The following LARGE1 variants were observed in gnomAD, a reference collection of about 807,000 sequenced individuals.
LARGE1 encodes the protein LARGE xylosyl- and glucuronyltransferase 1, also known as xylosyl- and glucuronyltransferase LARGE1.
A neutral mutation model predicts 87.6 loss-of-function variants in LARGE1; 43 were observed. The ratio of observed to expected loss-of-function variants is 0.49; its 90% CI spans 0.38 to 0.63. LARGE1 has a LOEUF of 0.63. LARGE1 is among the 30% of genes least tolerant of loss of function. The pLI is 0.00. For missense variants in LARGE1, 802 were observed against 1,000.2 expected, an observed-to-expected ratio of 0.80 and a Z score of 2.67; for synonymous variants, 434 against 394.6, an observed-to-expected ratio of 1.10 and a Z score of -1.18.
chr22:33,908,517 T>C (rs577428194), intron 1 of LARGE1, among the ~76,000 whole-genome samples: 122 of 141,084 alleles, frequency 8.6e-4, no homozygotes, highest in African/African-American at 2.8e-3. Flanking sequence ...AATGATTAAG[T>C]TACAGATTGA....
intron 1 of LARGE1, among the ~76,000 whole-genome samples, chr22:33,766,775 G>T (rs1406180697): frequency 6.6e-6 from 1 of 151,720 alleles, no homozygotes; most frequent in African/African-American, 2.4e-5. Context: ...ATTATATAAT[G>T]TGATCACAAG....
At chr22:33,500,357 C>T (rs1302869872) in intron 6 of LARGE1, among the ~76,000 whole-genome samples, 1 of 152,152 alleles carries the variant, frequency 6.6e-6, no homozygotes, top group Non-Finnish European at 1.5e-5. Flanking sequence ...TAGCAAGGCA[C>T]TTACTTTATC....
intron 9 of LARGE1, among the ~76,000 whole-genome samples, chr22:33,370,808 A>G (rs9607036): frequency 0.058 from 8,670 of 149,776 alleles, 469 homozygotes; most frequent in Admixed American, 0.18. Context: ...ATCATTAAAT[A>G]CCATCAATAA....
At chr22:33,458,471 G>C (rs2068234493) in intron 6 of LARGE1, among the ~76,000 whole-genome samples, 1 of 151,156 alleles carries the variant, frequency 6.6e-6, no homozygotes, top group African/African-American at 2.4e-5. Flanking sequence ...TGCTCTTGTT[G>C]CTCAGGCTGG....
At chr22:33,915,761 T>A (rs535425903) in intron 1 of LARGE1, among the ~76,000 whole-genome samples, 1 of 152,306 alleles carries the variant, frequency 6.6e-6, no homozygotes, top group African/African-American at 2.4e-5. Flanking sequence ...GTCCTCAGCA[T>A]GGAATCTTAT....
rs2149183104 is a variant in LARGE1 at position 33,650,592 on chromosome 22, C to T, written c.183G>A (p.Glu61=). The change falls in exon 3 of 15, where the codon GAG becomes GAA. Residue 61 remains glutamate, a synonymous_variant. Coordinates refer to ENST00000397394, the MANE Select transcript of LARGE1 (RefSeq NM_133642.5). The part of the protein sequence containing the change: ...SPRYTASSQR[E]RESLEVRMRE... ...GCATGCGCACCTCCAGGCTCTCGCG[C>T]TCCCGCTGGCTGGAGGCCGTGTACC... 2 of 1,605,574 alleles carry T rather than the reference C, an allele frequency of 1.2e-6. No homozygotes were observed. Among genetic ancestry groups the T allele is most frequent in the South Asian group, 2.2e-5 (2 of 91,070 alleles).
chr22:33,756,610 T>C (rs1221516669), intron 2 of LARGE1, among the ~76,000 whole-genome samples: 2 of 152,116 alleles, frequency 1.3e-5, no homozygotes, highest in African/African-American at 4.8e-5. Context: ...CAGAGGGCGA[T>C]GTACACCAGG....
chr22:33,830,974 T>C (rs2062947558), intron 1 of LARGE1, among the ~76,000 whole-genome samples: 1 of 152,210 alleles, frequency 6.6e-6, no homozygotes. Flanking sequence ...ACCATCACCT[T>C]GAAAGTTAGG....
intron 4 of LARGE1, among the ~76,000 whole-genome samples, chr22:33,624,996 G>T (rs2079877315): frequency 6.6e-6 from 1 of 152,200 alleles, no homozygotes. Context: ...CCAGTTCCTT[G>T]CAGGGTTGGT....
At chr22:33,473,858 C>T (rs1443914593) in intron 6 of LARGE1, among the ~76,000 whole-genome samples, 1 of 152,174 alleles carries the variant, frequency 6.6e-6, no homozygotes. Context: ...CTCAGAGTTG[C>T]TAAAATTAAT....
At chr22:33,346,567 T>C (rs553228993) in intron 9 of LARGE1, among the ~76,000 whole-genome samples, 2 of 152,138 alleles carry the variant, frequency 1.3e-5, no homozygotes, top group African/African-American at 4.8e-5. Context: ...CCTCCTAAAG[T>C]GCTGGGATTA....
chr22:33,310,970 T>C (rs150341478), intron 11 of LARGE1, among the ~76,000 whole-genome samples: 2,504 of 152,070 alleles, frequency 0.016, 62 homozygotes, highest in African/African-American at 0.058. Flanking sequence ...GGACTTTTTT[T>C]TTTTTTTTGA....
chr22:33,456,212 G>A (rs371038518), intron 6 of LARGE1, among the ~76,000 whole-genome samples: 20 of 152,096 alleles, frequency 1.3e-4, no homozygotes, highest in African/African-American at 4.6e-4. Context: ...ACCCACAAAG[G>A]TTCTTGGTTC....
Position 33,337,552 on chromosome 22 carries a change from CCATGAGCCTGA to C in LARGE1, c.1287+83_1287+93del. 3 of 1,481,182 alleles carry C rather than the reference CCATGAGCCTGA, an allele frequency of 2.0e-6. No homozygotes were observed. The South Asian group carries it at 3.5e-5, about 17-fold the overall frequency. 91.8% of individuals were successfully genotyped at this position (1,481,182 alleles called of 1,614,324 possible). On this transcript the variant is annotated intron_variant, in intron 10 of 14. Coordinates refer to ENST00000397394, the MANE Select transcript of LARGE1 (RefSeq NM_133642.5). The stretch of plus-strand genomic sequence containing the variant: ...TGGCGTTGTGTTCACCTAGGTCCTG[CCATGAGCCTGA>C]CATAGAGCCTGGCATGGGGGAGGTC...
chr22:33,364,862 A>AT (rs1315098906), intron 9 of LARGE1, among the ~76,000 whole-genome samples: 1 of 149,804 alleles, frequency 6.7e-6, no homozygotes, highest in Non-Finnish European at 1.5e-5. Context: ...ATGCCGGCTA[A>AT]TTTTTTATTT....
At chr22:33,337,868 G>A (rs1005544149) in intron 9 of LARGE1, 67 bp from the exon 10 acceptor site, 11 of 1,529,234 alleles carry the variant, frequency 7.2e-6, no homozygotes, top group Non-Finnish European at 1.0e-5. Flanking sequence ...ACACCTGTAG[G>A]AAGCCATGGC....
At chr22:33,854,452 T>C (rs1317809862) in intron 1 of LARGE1, among the ~76,000 whole-genome samples, 1 of 152,152 alleles carries the variant, frequency 6.6e-6, no homozygotes, top group African/African-American at 2.4e-5. Context: ...CACATCAGCC[T>C]TCTCCATCAT....
Position 33,304,766 on chromosome 22 carries a change from G to A in LARGE1, c.1452-259C>T, listed in dbSNP as rs548029746. On this transcript the variant is annotated intron_variant, in intron 11 of 14. Transcript: ENST00000397394. ...TCCCACTATAAGCCTTGGACTCCTCGTTTCAAAGCCAGGTGGTGAGTATAT... is the reference window on the plus strand; with the variant it reads ...TCCCACTATAAGCCTTGGACTCCTCATTTCAAAGCCAGGTGGTGAGTATAT... Among the ~76,000 whole-genome samples the A allele has an allele frequency of 8.5e-4, 129 of 152,230 alleles. 3 individuals are homozygous for A. The South Asian group carries it at 0.025, about 30-fold the overall frequency.
chr22:33,253,525 A>G (rs1927107108), intron 11 of LARGE1, among the ~76,000 whole-genome samples: 1 of 152,226 alleles, frequency 6.6e-6, no homozygotes, highest in Non-Finnish European at 1.5e-5. Flanking sequence ...CAGCCTGGCC[A>G]ACATGGTGAA....
Sources: gnomAD v4.1 joint callset for allele counts (sites outside exome capture counted in the v4.1 genomes callset) on GRCh38, gnomAD v4.1.1 for gene constraint, MANE v1.5 for transcripts, NCBI Gene and HGNC (gene_info 2026-07-23, HGNC 2026-07-21) for gene names.